The following NCAN variants were observed in gnomAD, a reference collection of about 807,000 sequenced individuals.
NCAN encodes the protein neurocan core protein.
A neutral mutation model predicts 121.8 loss-of-function variants in NCAN; 47 were observed. The observed-to-expected ratio is 0.39, with a 90% CI of 0.31 to 0.49. The LOEUF (loss-of-function observed/expected upper bound fraction) is 0.49. Ranked by LOEUF, NCAN falls within the 20% of genes least tolerant of loss-of-function variation. The pLI, the probability that NCAN is intolerant of heterozygous loss-of-function variation, is 0.92. For missense variants in NCAN, 1,517 were observed against 1,773.4 expected, an observed-to-expected ratio of 0.86 and a Z score of 2.60; for synonymous variants, 633 against 702.0, an observed-to-expected ratio of 0.90 and a Z score of 1.55.
At chr19:19,215,060 A>G (rs1276149581) in intron 1 of NCAN, among the ~76,000 whole-genome samples, 1 of 152,164 alleles carries the variant, frequency 6.6e-6, no homozygotes, top group Non-Finnish European at 1.5e-5. Flanking sequence ...TCCCTGAGGC[A>G]TCGTGTTAGC....
intron 8 of NCAN, among the ~76,000 whole-genome samples, chr19:19,230,403 ATTTTTTTTTTTT>A (rs5827436): frequency 8.4e-6 from 1 of 118,478 alleles, no homozygotes; most frequent in East Asian, 2.5e-4. Flanking sequence ...CCACCCCCAA[ATTTTTTTTTTTT>A]TTTTTTTAGA....
intron 10 of NCAN, among the ~76,000 whole-genome samples, chr19:19,235,725 C>T (rs760546862): frequency 3.2e-4 from 48 of 152,114 alleles, no homozygotes; most frequent in South Asian, 4.2e-4. Flanking sequence ...TACAGGCACA[C>T]GCCACCACGC....
intron 10 of NCAN, among the ~76,000 whole-genome samples, chr19:19,237,444 G>T (rs547928923): frequency 3.4e-4 from 51 of 150,630 alleles, no homozygotes; most frequent in Non-Finnish European, 6.3e-4. Context: ...AGCCAAGATC[G>T]CACCATTACA....
chr19:19,248,901 A>T lies in NCAN; in HGVS notation c.3820+19A>T, dbSNP rs777966293. The T allele has an allele frequency of 6.2e-7, 1 of 1,612,436 alleles. No homozygotes were observed. The highest frequency in any genetic ancestry group is 8.5e-7 in the Non-Finnish European group (1 of 1,178,850). ...ACCAAACGTAAGTAGCTTCTCCCAG[A>T]GATCTCAACATAGGTTTTTGGTATT... On this transcript the variant is annotated intron_variant, in intron 14 of 14. Coordinates refer to ENST00000252575, the MANE Select transcript of NCAN (RefSeq NM_004386.3).
In NCAN at chr19:19,224,962, C is replaced by T; in HGVS notation, c.779-15C>T. 1 of 1,418,586 alleles carries T rather than the reference C, an allele frequency of 7.0e-7. No homozygotes were observed. The highest frequency in any genetic ancestry group is 9.2e-7 in the Non-Finnish European group (1 of 1,092,362). The allele number at this position is 1,418,586 out of a possible 1,614,324, so 87.9% of individuals were successfully genotyped here. ...GTTCCCCAGCCCCCCTGACCTCCAC[C>T]CGCCCCTCCCGCAGGCGAGGTCTTC... On this transcript the variant is annotated splice_polypyrimidine_tract_variant and intron_variant, in intron 5 of 14. Coordinates refer to ENST00000252575, the MANE Select transcript of NCAN (RefSeq NM_004386.3).
intron 12 of NCAN, among the ~76,000 whole-genome samples, chr19:19,244,822 G>A (rs1032908155): frequency 2.0e-5 from 3 of 149,500 alleles, no homozygotes; most frequent in Admixed American, 6.7e-5. Flanking sequence ...TCTGCCTCCC[G>A]GGTTCAAACA....
chr19:19,226,725 C>G lies in NCAN; in HGVS notation c.1312C>G (p.Leu438Val). 6.2e-7 allele frequency: 1 copy of G among 1,612,634 alleles called. No homozygotes were observed. The highest frequency in any genetic ancestry group is 8.5e-7 in the Non-Finnish European group (1 of 1,179,132). The change falls in exon 7 of 15, where the codon CTG becomes GTG. Residue 438 changes from leucine to valine, a missense_variant. Transcript: ENST00000252575. ...CAGCCCTACCCCTGGGGACCCCATG[C>G]TGGCCTCATGGCCCACTGGGGAAGT... ...TLSPTPGDPM[L>V]ASWPTGEVWL...
chr19:19,230,400 C>A (rs75037110), intron 8 of NCAN, among the ~76,000 whole-genome samples: 1 of 82,256 alleles, frequency 1.2e-5, no homozygotes, highest in Non-Finnish European at 2.3e-5. Context: ...CCCCCACCCC[C>A]AAATTTTTTT....
rs755161804 is a variant in NCAN, at chr19:19,248,997, C to G, written c.3820+115C>G. Reference sequence around the variant, plus strand: ...GCTTAATGTCTGCCTGATAATACAGCCTTGCAGATAAGTGAGAACTTACCA... The same window carrying G: ...GCTTAATGTCTGCCTGATAATACAGGCTTGCAGATAAGTGAGAACTTACCA... On this transcript the variant is annotated intron_variant, in intron 14 of 14. Coordinates refer to ENST00000252575, the MANE Select transcript of NCAN (RefSeq NM_004386.3). The G allele has an allele frequency of 1.4e-4, 159 of 1,144,584 alleles. 1 individual carries two copies. Among genetic ancestry groups the G allele is most frequent in the Non-Finnish European group, 7.1e-5 (57 of 797,614 alleles). The allele number at this position is 1,144,584 out of a possible 1,614,324, so 70.9% of individuals were successfully genotyped here. A position where few individuals can be genotyped will look rare whatever the true frequency, so the allele number is the denominator to read the frequency against.
At chr19:19,222,449 T>C (rs2060820083) in intron 3 of NCAN, among the ~76,000 whole-genome samples, 1 of 152,140 alleles carries the variant, frequency 6.6e-6, no homozygotes, top group Non-Finnish European at 1.5e-5. Context: ...TGGCTAATTT[T>C]TGTATTTTTA....
Position 19,251,049 on chromosome 19 carries a change from CAA to C in NCAN, c.*1140_*1141del, listed in dbSNP as rs959656500. ...AAGAACTCACCTTGCCTTCCTCCCC[CAA>C]ATGTGCAACCTGTAAAAGGTCTCTC... is the stretch of plus-strand genomic sequence containing the variant. On this transcript the variant is annotated 3_prime_UTR_variant, in exon 15 of 15. Coordinates refer to ENST00000252575, the MANE Select transcript of NCAN (RefSeq NM_004386.3). 1.3e-5 allele frequency: 2 copies of C among 152,178 alleles called. No individual in the cohort carries two copies. The highest frequency in any genetic ancestry group is 2.9e-5 in the Non-Finnish European group (2 of 68,056). 9.4% of individuals were successfully genotyped at this position (152,178 alleles called of 1,614,324 possible). A position where few individuals can be genotyped will look rare whatever the true frequency, so the allele number is the denominator to read the frequency against.
chr19:19,219,103 C>G lies in NCAN; in HGVS notation c.262C>G (p.Arg88Gly), dbSNP rs1227998349. ...CAAGGTGCGGACTGCGTCGGGCCAG[C>G]GACAGGACTTGCCCATCCTGGTGGC... is the stretch of plus-strand genomic sequence containing the variant. ...WTKVRTASGQ[R>G]QDLPILVAKD... Residue 88 changes from arginine to glycine, a missense_variant, in exon 3 of 15, where the codon CGA (arginine) becomes GGA (glycine). Coordinates refer to ENST00000252575, the MANE Select transcript of NCAN (RefSeq NM_004386.3). 6 of 1,612,414 alleles carry G rather than the reference C, an allele frequency of 3.7e-6. No individual in the cohort carries two copies. In the South Asian group the frequency reaches 4.4e-5, roughly 12 times the overall value.
At chr19:19,214,730 GT>G (rs1337505694) in intron 1 of NCAN, among the ~76,000 whole-genome samples, 32 of 14,734 alleles carry the variant, frequency 2.2e-3, no homozygotes, top group African/African-American at 3.0e-3. Flanking sequence ...TTAACGGGGT[GT>G]GTGTGTGTGT....
chr19:19,213,939 C>G (rs1275356235), intron 1 of NCAN, among the ~76,000 whole-genome samples: 1 of 152,146 alleles, frequency 6.6e-6, no homozygotes, highest in East Asian at 1.9e-4. Flanking sequence ...CAGCCCCCTG[C>G]TGAGGGTCAC....
At position 19,250,261 on chromosome 19, in the gene NCAN, G is replaced by C. The variant is rs80323510; in HGVS notation, c.*350G>C. 1.1e-5 allele frequency: 5 copies of C among 440,746 alleles called. No individual in the cohort carries two copies. The highest frequency in any genetic ancestry group is 1.0e-4 in the African/African-American group (5 of 49,460). The allele number at this position is 440,746 out of a possible 1,614,324, so 27.3% of individuals were successfully genotyped here. ...GATGAGGGTGCATGAGTGTATGTTT[G>C]CATTCACATGAAGGAATTGCTTTTC... On this transcript the variant is annotated 3_prime_UTR_variant, in exon 15 of 15. Coordinates refer to ENST00000252575, the MANE Select transcript of NCAN (RefSeq NM_004386.3).
Position 19,251,049 on chromosome 19 carries a change from C to G in NCAN, c.*1138C>G, listed in dbSNP as rs796905013. 1 of 152,296 alleles carries G rather than the reference C, an allele frequency of 6.6e-6. No individual in the cohort carries two copies. The highest frequency in any genetic ancestry group is 1.9e-4 in the East Asian group (1 of 5,194). The allele number at this position is 152,296 out of a possible 1,614,324, so 9.4% of individuals were successfully genotyped here. Reference sequence around the variant, plus strand: ...AAGAACTCACCTTGCCTTCCTCCCCCAAATGTGCAACCTGTAAAAGGTCTC... The same window carrying G: ...AAGAACTCACCTTGCCTTCCTCCCCGAAATGTGCAACCTGTAAAAGGTCTC... On this transcript the variant is annotated 3_prime_UTR_variant, in exon 15 of 15. Coordinates refer to ENST00000252575, the MANE Select transcript of NCAN (RefSeq NM_004386.3).
intron 12 of NCAN, among the ~76,000 whole-genome samples, 156 bp from the exon 13 acceptor site, chr19:19,245,157 G>A (rs113219907): frequency 0.016 from 2,415 of 152,266 alleles, 31 homozygotes; most frequent in South Asian, 0.029. Context: ...GGTGGCCCCC[G>A]TCAGGATGGG....
At chr19:19,245,615 C>G (rs1300388159) in intron 13 of NCAN, among the ~76,000 whole-genome samples, 158 bp downstream of exon 13, 2 of 151,928 alleles carry the variant, frequency 1.3e-5, no homozygotes, top group African/African-American at 4.8e-5. Flanking sequence ...GTAGGTGGGA[C>G]TATAGGCATG....
intron 5 of NCAN, 129 bp downstream of exon 5, chr19:19,224,562 G>A: frequency 8.0e-7 from 1 of 1,243,454 alleles, no homozygotes; most frequent in South Asian, 1.5e-5. Flanking sequence ...CTGCAACCAA[G>A]ACATGATTCC....
Sources: allele counts gnomAD v4.1 joint callset (sites outside exome capture counted in the v4.1 genomes callset), GRCh38; gene constraint gnomAD v4.1.1; transcripts MANE v1.5; gene names NCBI Gene and HGNC (gene_info 2026-07-23, HGNC 2026-07-21).